The following ZNF572 variants were observed in gnomAD, a reference collection of about 807,000 sequenced individuals.
The protein encoded by ZNF572 is zinc finger protein 572.
In ZNF572, 2 loss-of-function variants were observed where a neutral mutation model predicts 3.8. That is an observed-to-expected ratio of 0.52 (90% confidence interval 0.21 to 1.65). ZNF572 has a LOEUF of 1.65. ZNF572 is among the 40% of genes most tolerant of loss of function. The pLI, the probability that ZNF572 is intolerant of heterozygous loss-of-function variation, is 0.20. For missense variants in ZNF572, 581 were observed against 633.4 expected (o/e 0.92, Z 0.89); for synonymous variants, 187 against 204.5 (o/e 0.91, Z 0.73).
rs1420493010 is a variant in ZNF572, at chr8:124,976,762, G to C, written c.494G>C (p.Cys165Ser). The change falls in exon 3 of 3, where the codon TGT (cysteine) becomes TCT (serine). Residue 165 changes from cysteine (C) to serine (S), a missense_variant. Transcript: ENST00000319286. ...GAAAAGCCTTATAAATGCTCTGAGT[G>C]TGCAAAATGTTTTTGTAACAGTTCT... Reference protein sequence around the residue: ...SGEKPYKCSECAKCFCNSSHL... With the variant: ...SGEKPYKCSESAKCFCNSSHL... The C allele has an allele frequency of 1.9e-6, 3 of 1,614,084 alleles. No individual in the cohort carries two copies. The Admixed American group carries it at 5.0e-5, about 27-fold the overall frequency.
At position 124,977,001 on chromosome 8, in the gene ZNF572, G is replaced by C; in HGVS notation, c.733G>C (p.Glu245Gln). 1.9e-6 allele frequency: 3 copies of C among 1,614,088 alleles called. No individual in the cohort carries two copies. Among genetic ancestry groups the C allele is most frequent in the Non-Finnish European group, 2.5e-6 (3 of 1,180,022 alleles). Residue 245 changes from glutamate to glutamine, a missense_variant, in exon 3 of 3, where the codon GAA becomes CAA. By Grantham distance (29) the Glu-to-Gln change is conservative. Transcript: ENST00000319286. ...HRSHTGEKPYECSVCGKGFSH... is the reference protein window; with the variant it reads ...HRSHTGEKPYQCSVCGKGFSH... Reference sequence around the variant, plus strand: ...ATCACATACAGGTGAAAAACCATATGAATGTTCTGTCTGCGGAAAAGGCTT... The same window carrying C: ...ATCACATACAGGTGAAAAACCATATCAATGTTCTGTCTGCGGAAAAGGCTT...
Position 124,979,202 on chromosome 8 carries a change from C to T in ZNF572, c.*1344C>T, listed in dbSNP as rs1814553548. The T allele has an allele frequency of 6.6e-6, 1 of 152,534 alleles. No individual in the cohort carries two copies. Among genetic ancestry groups the T allele is most frequent in the African/African-American group, 2.4e-5 (1 of 41,414 alleles). 9.4% of individuals were successfully genotyped at this position (152,534 alleles called of 1,614,324 possible). ...ATTTTATGAATAATATGCAGAGATG[C>T]ATATTAGGAATGTGAAGCCAGAATG... is the stretch of plus-strand genomic sequence containing the variant. On this transcript the variant is annotated 3_prime_UTR_variant, in exon 3 of 3. Transcript: ENST00000319286.
rs1814536057 is a variant in ZNF572, at chr8:124,978,063, A to G, written c.*205A>G. 2 of 525,776 alleles carry G rather than the reference A, an allele frequency of 3.8e-6. No individual in the cohort carries two copies. The highest frequency in any genetic ancestry group is 7.4e-5 in the Admixed American group (2 of 27,038). The allele number at this position is 525,776 out of a possible 1,614,324, so 32.6% of individuals were successfully genotyped here. A position where few individuals can be genotyped will look rare whatever the true frequency, so the allele number is the denominator to read the frequency against. ...GTGAGAGATTCATCCACCAAGGATG[A>G]AGAAAGGAGGACTTTTAAAAATTTA... On this transcript the variant is annotated 3_prime_UTR_variant, in exon 3 of 3. Transcript: ENST00000319286.
At chr8:124,973,610 C>G (rs1814464794) in intron 1 of ZNF572, among the ~76,000 whole-genome samples, 194 bp downstream of exon 1, 1 of 152,226 alleles carries the variant, frequency 6.6e-6, no homozygotes, top group South Asian at 2.1e-4. Flanking sequence ...CGGCCGGAGA[C>G]CGTCTGGTAT....
rs1436775458 is a variant in ZNF572 at position 124,976,472 on chromosome 8, A to G, written c.204A>G (p.Ala68=). Reference sequence around the variant, plus strand: ...CACAACATTATAAGCATGAGGATGCAAAAGAAATGCCACTGACATGGGTTC... The same window carrying G: ...CACAACATTATAAGCATGAGGATGCGAAAGAAATGCCACTGACATGGGTTC... ...HRPQHYKHED[A]KEMPLTWVQD... Residue 68 remains alanine, a synonymous_variant, in exon 3 of 3, where the codon GCA becomes GCG. Coordinates refer to ENST00000319286, the MANE Select transcript of ZNF572 (RefSeq NM_152412.3). The G allele has an allele frequency of 2.5e-6, 4 of 1,614,198 alleles. No homozygotes were observed. The highest frequency in any genetic ancestry group is 1.6e-4 in the Middle Eastern group (1 of 6,062).
In ZNF572 at chr8:124,978,648, G is replaced by A. The variant is rs1814547869; in HGVS notation, c.*790G>A. On this transcript the variant is annotated 3_prime_UTR_variant, in exon 3 of 3. Transcript: ENST00000319286. ...TAATATAGAGTAGAATTGGGATAGA[G>A]TATTGAAGACACTGGGTTTAGACAT... is the stretch of plus-strand genomic sequence containing the variant. The A allele has an allele frequency of 6.6e-6, 1 of 152,192 alleles. No homozygotes were observed. The highest frequency in any genetic ancestry group is 1.9e-4 in the East Asian group (1 of 5,202). 9.4% of individuals were successfully genotyped at this position (152,192 alleles called of 1,614,324 possible).
In ZNF572 at chr8:124,976,564, T is replaced by C; in HGVS notation, c.296T>C (p.Ile99Thr). 2 of 1,614,134 alleles carry C rather than the reference T, an allele frequency of 1.2e-6. No homozygotes were observed. The highest frequency in any genetic ancestry group is 1.7e-6 in the Non-Finnish European group (2 of 1,180,026). The change falls in exon 3 of 3, where the codon ATA becomes ACA. Residue 99 changes from isoleucine to threonine, a missense_variant. By Grantham distance (89) the Ile-to-Thr change is moderately conservative. Coordinates refer to ENST00000319286, the MANE Select transcript of ZNF572 (RefSeq NM_152412.3). ...AAGTCAGAGAATTGGGGAAATTTTA[T>C]AGCTAAAGAGGAGGAAAAACCCAAT... is the stretch of plus-strand genomic sequence containing the variant. ...DGKSENWGNF[I>T]AKEEEKPNHQ...
At chr8:124,975,283 T>C (rs911863018) in intron 1 of ZNF572, among the ~76,000 whole-genome samples, 2 of 152,232 alleles carry the variant, frequency 1.3e-5, no homozygotes, top group Non-Finnish European at 2.9e-5. Flanking sequence ...TTAAAAAAAA[T>C]ACTTTGCTTT....
In ZNF572 at chr8:124,977,196, G is replaced by T. The variant is rs745538040; in HGVS notation, c.928G>T (p.Gly310Cys). ...ATGTCTTGAGTGTGAAAAAAGCTTT[G>T]GTTGTAATTCTACTCTAATAAAACA... ...YKCLECEKSF[G>C]CNSTLIKHQR... The change falls in exon 3 of 3, where the codon GGT becomes TGT. Residue 310 changes from glycine to cysteine, a missense_variant. Coordinates refer to ENST00000319286, the MANE Select transcript of ZNF572 (RefSeq NM_152412.3). 3.1e-6 allele frequency: 5 copies of T among 1,611,090 alleles called. No individual in the cohort carries two copies. The highest frequency in any genetic ancestry group is 3.3e-5 in the Admixed American group (2 of 59,976).
At position 124,978,822 on chromosome 8, in the gene ZNF572, A is replaced by G. The variant is rs561383955; in HGVS notation, c.*964A>G. ...TTTGCAATGAAGAGCCTTTTCCCTA[A>G]ATTATCCCATTATGTAATTCTTGGT... On this transcript the variant is annotated 3_prime_UTR_variant, in exon 3 of 3. Transcript: ENST00000319286. 6.6e-6 allele frequency: 1 copy of G among 152,306 alleles called. No individual in the cohort carries two copies. Among genetic ancestry groups the G allele is most frequent in the African/African-American group, 2.4e-5 (1 of 41,568 alleles). The allele number at this position is 152,306 out of a possible 1,614,324, so 9.4% of individuals were successfully genotyped here. A position where few individuals can be genotyped will look rare whatever the true frequency, so the allele number is the denominator to read the frequency against.
chr8:124,975,572 A>G (rs1399879702), intron 1 of ZNF572, 34 bp from the exon 2 acceptor site: 1 of 1,308,794 alleles, frequency 7.6e-7, no homozygotes, highest in Non-Finnish European at 1.1e-6. Context: ...AGCTTTAACA[A>G]ATACCTCCAA....
At position 124,974,398 on chromosome 8, in the gene ZNF572, TA is replaced by T. The variant is rs139973534; in HGVS notation, c.-36+986del. 4.2e-3 allele frequency among the ~76,000 whole-genome samples: 643 copies of T among 152,344 alleles called. 7 individuals carry two copies. The highest frequency in any genetic ancestry group is 0.014 in the African/African-American group (566 of 41,590). ...CTTAATACCTTTCAAACTCATCCTA[TA>T]AAATGCTGGTAGTTGTTCATACACT... On this transcript the variant is annotated intron_variant, in intron 1 of 2. Coordinates refer to ENST00000319286, the MANE Select transcript of ZNF572 (RefSeq NM_152412.3).
At chr8:124,976,183 T>G (rs531589961) in intron 2 of ZNF572, among the ~76,000 whole-genome samples, 165 bp from the exon 3 acceptor site, 4 of 152,348 alleles carry the variant, frequency 2.6e-5, no homozygotes, top group Admixed American at 2.6e-4. Flanking sequence ...ATCCACCTGC[T>G]TCTGGTAAAC....
rs1427793466 is a variant in ZNF572, at chr8:124,977,440, A to G, written c.1172A>G (p.Lys391Arg). The change falls in exon 3 of 3, where the codon AAG becomes AGG. Residue 391 changes from lysine to arginine, a missense_variant. Physicochemically the swap from Lys to Arg is conservative, Grantham distance 26 (BLOSUM62 2). Coordinates refer to ENST00000319286, the MANE Select transcript of ZNF572 (RefSeq NM_152412.3). ...CCATATAGATGTTGTGAATGTGGGA[A>G]GAGTTTTGGCCTTAGCTCCCATCTC... Reference protein sequence around the residue: ...EKPYRCCECGKSFGLSSHLIR... With the variant: ...EKPYRCCECGRSFGLSSHLIR... 1 of 1,614,050 alleles carries G rather than the reference A, an allele frequency of 6.2e-7. No homozygotes were observed. Among genetic ancestry groups the G allele is most frequent in the African/African-American group, 1.3e-5 (1 of 74,934 alleles).
chr8:124,974,870 T>G (rs1814487220), intron 1 of ZNF572, among the ~76,000 whole-genome samples: 1 of 152,092 alleles, frequency 6.6e-6, no homozygotes, highest in African/African-American at 2.4e-5. Context: ...TTTTTGTATT[T>G]TTAGTAGAGA....
In ZNF572 at chr8:124,976,875, CTTA is replaced by C. The variant is rs777349267; in HGVS notation, c.612_614del (p.Ile205del). On this transcript the variant is annotated inframe_deletion, in exon 3 of 3. Coordinates refer to ENST00000319286, the MANE Select transcript of ZNF572 (RefSeq NM_152412.3). ...GAAAAGCTTCAGCAATACCTCCCAT[CTTA>C]TTATCCATGAGAGAACTCACACGGG... The C allele has an allele frequency of 1.2e-5, 20 of 1,613,680 alleles. No individual in the cohort carries two copies. Among genetic ancestry groups the C allele is most frequent in the Non-Finnish European group, 1.7e-5 (20 of 1,179,922 alleles).
rs1178739631 is a variant in ZNF572 at position 124,976,473 on chromosome 8, A to G, written c.205A>G (p.Lys69Glu). The part of the protein sequence containing the change: ...RPQHYKHEDA[K>E]EMPLTWVQDE... ...ACAACATTATAAGCATGAGGATGCA[A>G]AAGAAATGCCACTGACATGGGTTCA... The change falls in exon 3 of 3, where the codon AAA (lysine) becomes GAA (glutamate). Residue 69 changes from lysine (K) to glutamate (E), a missense_variant. Transcript: ENST00000319286. 6.2e-7 allele frequency: 1 copy of G among 1,614,198 alleles called. No homozygotes were observed. The highest frequency in any genetic ancestry group is 1.1e-5 in the South Asian group (1 of 91,086).
chr8:124,978,617 G>T lies in ZNF572; in HGVS notation c.*759G>T, dbSNP rs1214249827. On this transcript the variant is annotated 3_prime_UTR_variant, in exon 3 of 3. Transcript: ENST00000319286. Reference sequence around the variant, plus strand: ...TTCTGGAGGGTTTGCTCTCCAAAAAGAATTGTAATATAGAGTAGAATTGGG... The same window carrying T: ...TTCTGGAGGGTTTGCTCTCCAAAAATAATTGTAATATAGAGTAGAATTGGG... The T allele has an allele frequency of 6.6e-6, 1 of 152,160 alleles. No homozygotes were observed. The highest frequency in any genetic ancestry group is 1.5e-5 in the Non-Finnish European group (1 of 68,026). 9.4% of individuals were successfully genotyped at this position (152,160 alleles called of 1,614,324 possible). A position where few individuals can be genotyped will look rare whatever the true frequency, so the allele number is the denominator to read the frequency against.
chr8:124,974,422 A>G (rs1415035375), intron 1 of ZNF572, among the ~76,000 whole-genome samples: 1 of 152,198 alleles, frequency 6.6e-6, no homozygotes. Flanking sequence ...TTGTTCATAC[A>G]CTTCAGAGGG....
Sources: allele counts gnomAD v4.1 joint callset (sites outside exome capture counted in the v4.1 genomes callset), GRCh38; gene constraint gnomAD v4.1.1; transcripts MANE v1.5; gene names NCBI Gene and HGNC (gene_info 2026-07-23, HGNC 2026-07-21).